RBM25: variants seen among roughly 807,000 people sequenced by gnomAD.
RBM25 encodes RNA-binding protein 25.
A neutral mutation model predicts 120.7 loss-of-function variants in RBM25; 19 were observed. The ratio of observed to expected loss-of-function variants is 0.16; its 90% CI spans 0.11 to 0.23. The LOEUF is 0.23. Among genes scored for constraint, RBM25 ranks in the 10% least tolerant of loss-of-function variants. The probability of loss-of-function intolerance (pLI) is 1.00; values close to 1 mark genes in which losing one functional copy is unlikely to be tolerated. For synonymous variants in RBM25, 390 were observed against 326.7 expected, an observed-to-expected ratio of 1.19 and a Z score of -2.09; for missense variants, 605 against 1,041.5, an observed-to-expected ratio of 0.58 and a Z score of 5.77.
intron 18 of RBM25, among the ~76,000 whole-genome samples, chr14:73,117,224 T>C (rs1331436472): frequency 7.8e-5 from 6 of 76,726 alleles, no homozygotes; most frequent in East Asian, 8.4e-4. Flanking sequence ...TTTTTTTTTT[T>C]TTTTTTTTTT....
chr14:73,068,527 T>C, intron 1 of RBM25: 1 of 812,230 alleles, frequency 1.2e-6, no homozygotes. Context: ...CCTTTAGTGG[T>C]TTTAACATTA....
intron 4 of RBM25, among the ~76,000 whole-genome samples, chr14:73,081,585 A>G (rs1281874420): frequency 1.3e-5 from 2 of 152,182 alleles, no homozygotes; most frequent in Non-Finnish European, 2.9e-5. Flanking sequence ...GTGCCGACAC[A>G]TAGTAGTTCC....
chr14:73,111,302 T>C, intron 15 of RBM25, 147 bp downstream of exon 15: 2 of 860,788 alleles, frequency 2.3e-6, no homozygotes, highest in Non-Finnish European at 3.5e-6. Flanking sequence ...CACGATTGTT[T>C]TCATAGTTTT....
At chr14:73,084,659 TCTC>T (rs779364520) in intron 5 of RBM25, among the ~76,000 whole-genome samples, 3 of 151,874 alleles carry the variant, frequency 2.0e-5, no homozygotes, top group Non-Finnish European at 4.4e-5. Context: ...TTCAAGCAAT[TCTC>T]CTGCCCCAGC....
chr14:73,099,908 A>G (rs1056572568), intron 9 of RBM25, 158 bp downstream of exon 9: 3 of 1,174,156 alleles, frequency 2.6e-6, no homozygotes, highest in Non-Finnish European at 3.3e-6. Flanking sequence ...GAAGACCAAT[A>G]CCATATTAAA....
chr14:73,116,181 T>C (rs1034768881), intron 18 of RBM25, among the ~76,000 whole-genome samples: 2 of 151,774 alleles, frequency 1.3e-5, no homozygotes, highest in South Asian at 4.2e-4. Context: ...CTCTAGGAGA[T>C]AGAGGAGGGT....
chr14:73,106,440 T>C (rs980332124), intron 12 of RBM25, among the ~76,000 whole-genome samples, 155 bp downstream of exon 12: 1 of 152,214 alleles, frequency 6.6e-6, no homozygotes, highest in Non-Finnish European at 1.5e-5. Flanking sequence ...TGAGCCAATT[T>C]AAGTACACCA....
rs189295721 is a variant in RBM25 at position 73,089,295 on chromosome 14, C to A, written c.543+1134C>A. Among the ~76,000 whole-genome samples the A allele has an allele frequency of 2.0e-3, 297 of 152,224 alleles. 1 individual carries two copies. The highest frequency in any genetic ancestry group is 7.0e-3 in the African/African-American group (291 of 41,522). The stretch of plus-strand genomic sequence containing the variant: ...CCTGTAATCCCATCATCATAAGCAA[C>A]ACTGTAGGCGGTTTGGATGTATGTT... On this transcript the variant is annotated intron_variant, in intron 6 of 18. Transcript: ENST00000261973.
chr14:73,082,963 C>T (rs1465197427), intron 4 of RBM25, among the ~76,000 whole-genome samples: 1 of 151,744 alleles, frequency 6.6e-6, no homozygotes, highest in Admixed American at 6.6e-5. Flanking sequence ...GCATGTAGTC[C>T]CAGCTACTTA....
chr14:73,074,478 A>T lies in RBM25; in HGVS notation c.107-1841A>T, dbSNP rs1427977845. 2.0e-5 allele frequency among the ~76,000 whole-genome samples: 3 copies of T among 152,200 alleles called. No individual in the cohort carries two copies. In the South Asian group the frequency reaches 6.2e-4, roughly 32 times the overall value. On this transcript the variant is annotated intron_variant, in intron 2 of 18. Coordinates refer to ENST00000261973, the MANE Select transcript of RBM25 (RefSeq NM_021239.3). ...CTGGGCATGGTGGCTCATACCTGTAATCCCATCACTTTGGGAGGCTGAGGG... is the reference window on the plus strand; with the variant it reads ...CTGGGCATGGTGGCTCATACCTGTATTCCCATCACTTTGGGAGGCTGAGGG...
intron 13 of RBM25, among the ~76,000 whole-genome samples, 183 bp downstream of exon 13, chr14:73,108,082 G>A (rs138213268): frequency 1.9e-3 from 283 of 152,336 alleles, no homozygotes; most frequent in Non-Finnish European, 3.1e-3. Context: ...TATCAGAAAA[G>A]GATAAACATT....
intron 18 of RBM25, among the ~76,000 whole-genome samples, chr14:73,115,373 C>T (rs1054987605): frequency 2.6e-5 from 4 of 152,162 alleles, no homozygotes; most frequent in African/African-American, 9.7e-5. Context: ...CCCCTCTCTT[C>T]GTTCATGTTT....
Position 73,121,657 on chromosome 14 carries a change from A to C in RBM25, c.*1852A>C, listed in dbSNP as rs1896543483. ...TATTGTGTCTGTCTTTTCTTAACAT[A>C]CTGCACTGTTCTTAAGCATCATATT... is the stretch of plus-strand genomic sequence containing the variant. On this transcript the variant is annotated 3_prime_UTR_variant, in exon 19 of 19. Coordinates refer to ENST00000261973, the MANE Select transcript of RBM25 (RefSeq NM_021239.3). 6.6e-6 allele frequency: 1 copy of C among 152,166 alleles called. No individual in the cohort carries two copies. The highest frequency in any genetic ancestry group is 1.5e-5 in the Non-Finnish European group (1 of 68,028). 9.4% of individuals were successfully genotyped at this position (152,166 alleles called of 1,614,324 possible). A position where few individuals can be genotyped will look rare whatever the true frequency, so the allele number is the denominator to read the frequency against.
chr14:73,093,949 T>TTTG (rs386381756), intron 6 of RBM25, among the ~76,000 whole-genome samples: 1 of 95,246 alleles, frequency 1.0e-5, no homozygotes, highest in African/African-American at 6.7e-5. Flanking sequence ...TCAGGTTTTG[T>TTTG]TTTTTTTTTT....
chr14:73,121,039 A>G lies in RBM25; in HGVS notation c.*1234A>G, dbSNP rs963335884. The stretch of plus-strand genomic sequence containing the variant: ...GGGGCTTTCTTCGTTGTAGATCAGA[A>G]TTTCACCAGGGAGTAAAATTACCTG... On this transcript the variant is annotated 3_prime_UTR_variant, in exon 19 of 19. Coordinates refer to ENST00000261973, the MANE Select transcript of RBM25 (RefSeq NM_021239.3). 1 of 152,206 alleles carries G rather than the reference A, an allele frequency of 6.6e-6. No individual in the cohort carries two copies. Among genetic ancestry groups the G allele is most frequent in the African/African-American group, 2.4e-5 (1 of 41,460 alleles). The allele number at this position is 152,206 out of a possible 1,614,324, so 9.4% of individuals were successfully genotyped here. A position where few individuals can be genotyped will look rare whatever the true frequency, so the allele number is the denominator to read the frequency against.
intron 12 of RBM25, chr14:73,107,517 A>C: frequency 3.9e-6 from 1 of 258,476 alleles, no homozygotes. Flanking sequence ...AAATTAGAAA[A>C]TATTTTCTCT....
intron 18 of RBM25, among the ~76,000 whole-genome samples, chr14:73,115,535 T>C (rs1221829823): frequency 1.3e-5 from 2 of 152,226 alleles, no homozygotes; most frequent in South Asian, 2.1e-4. Context: ...ATTGTACATA[T>C]GTGCTGCTTT....
At chr14:73,080,068 GA>G (rs988256321) in intron 4 of RBM25, among the ~76,000 whole-genome samples, 1 of 150,196 alleles carries the variant, frequency 6.7e-6, no homozygotes, top group African/African-American at 2.4e-5. Flanking sequence ...AGGTGTATGT[GA>G]AAAGATTCTC....
chr14:73,114,599 T>G (rs1319248006), intron 18 of RBM25, among the ~76,000 whole-genome samples: 1 of 152,184 alleles, frequency 6.6e-6, no homozygotes, highest in Non-Finnish European at 1.5e-5. Context: ...CCTGCCTGTC[T>G]TTGTTCCAGA....
Sources: gnomAD v4.1 joint callset for allele counts (sites outside exome capture counted in the v4.1 genomes callset) on GRCh38, gnomAD v4.1.1 for gene constraint, MANE v1.5 for transcripts, NCBI Gene and HGNC (gene_info 2026-07-23, HGNC 2026-07-21) for gene names.